STK10: variants seen among roughly 807,000 people sequenced by gnomAD.
The protein encoded by STK10 is serine/threonine kinase 10, also known as serine/threonine-protein kinase 10.
Under a neutral mutation model 113.8 loss-of-function variants are expected in STK10, and 78 were observed. The ratio of observed to expected loss-of-function variants is 0.69; its 90% CI spans 0.57 to 0.83. The LOEUF is 0.83. Ranked by LOEUF, STK10 falls within the 40% of genes least tolerant of loss-of-function variation. The pLI is 0.00. For missense variants in STK10, 1,109 were observed against 1,280.1 expected (o/e 0.87, Z 2.04); for synonymous variants, 465 against 494.7 (o/e 0.94, Z 0.80).
At chr5:172,054,339 T>G (rs1218854998) in intron 17 of STK10, among the ~76,000 whole-genome samples, 3 of 152,162 alleles carry the variant, frequency 2.0e-5, no homozygotes, top group African/African-American at 4.8e-5. Context: ...GCAGGAATGG[T>G]CATCCCCATG....
intron 12 of STK10, among the ~76,000 whole-genome samples, chr5:172,070,257 ATATATCT>A (rs1394892428): frequency 1.3e-4 from 9 of 69,156 alleles, no homozygotes; most frequent in East Asian, 5.0e-4. Flanking sequence ...TCAAAAAAAT[ATATATCT>A]ATATATCTAT....
chr5:172,057,950 A>G (rs1458545147), intron 14 of STK10, among the ~76,000 whole-genome samples: 1 of 152,182 alleles, frequency 6.6e-6, no homozygotes, highest in Admixed American at 6.5e-5. Flanking sequence ...CATGAAGAAG[A>G]CAGAATGGCC....
In STK10 at chr5:172,093,314, T is replaced by C; in HGVS notation, c.1554+98A>G. 7.5e-7 allele frequency: 1 copy of C among 1,334,538 alleles called. No individual in the cohort carries two copies. Among genetic ancestry groups the C allele is most frequent in the Non-Finnish European group, 1.0e-6 (1 of 973,712 alleles). 82.7% of individuals were successfully genotyped at this position (1,334,538 alleles called of 1,614,324 possible). On this transcript the variant is annotated intron_variant, in intron 9 of 18. Transcript: ENST00000176763. The surrounding 1 kb of genome is among the most constrained non-coding windows in gnomAD (Gnocchi z 4.1). ...AAACCCCCTAATGAACCACTTAAAA[T>C]GCAAGGAAGCCCCTAAATGCTTTTG...
chr5:172,110,556 G>A (rs1408104845), intron 4 of STK10, among the ~76,000 whole-genome samples: 1 of 152,158 alleles, frequency 6.6e-6, no homozygotes, highest in Non-Finnish European at 1.5e-5. Context: ...CTCAGGATCT[G>A]GGGGAGGTAT....
chr5:172,125,122 T>C (rs138108798), intron 3 of STK10, among the ~76,000 whole-genome samples: 20 of 152,330 alleles, frequency 1.3e-4, no homozygotes, highest in Admixed American at 6.5e-4. Context: ...TCAGTAAACA[T>C]AGGGATGTCC....
At chr5:172,168,569 G>T (rs1245869285) in intron 1 of STK10, among the ~76,000 whole-genome samples, 1 of 152,156 alleles carries the variant, frequency 6.6e-6, no homozygotes, top group East Asian at 1.9e-4. Context: ...GATGAAAAAG[G>T]CCTGTCAAAC....
intron 7 of STK10, among the ~76,000 whole-genome samples, chr5:172,099,657 G>GAT (rs1768938278): frequency 6.6e-6 from 1 of 152,166 alleles, no homozygotes; most frequent in Non-Finnish European, 1.5e-5. Context: ...AGATCCCAAA[G>GAT]GTGAGAACCA....
intron 2 of STK10, among the ~76,000 whole-genome samples, chr5:172,131,222 G>C (rs1769749817): frequency 6.6e-6 from 1 of 151,988 alleles, no homozygotes; most frequent in African/African-American, 2.4e-5. Context: ...TTTTGGTAGA[G>C]GCAGGGTTTC....
chr5:172,111,594 GC>G, intron 4 of STK10, among the ~76,000 whole-genome samples: 1 of 152,316 alleles, frequency 6.6e-6, no homozygotes, highest in Admixed American at 6.5e-5. Context: ...GCTGATGGCT[GC>G]CCTTGAGCAA....
At position 172,187,997 on chromosome 5, in the gene STK10, C is replaced by G; in HGVS notation, c.46G>C (p.Glu16Gln). ...FRRILRLSTF[E>Q]KRKSREYEHV... is the part of the protein sequence containing the mutation. ...TCATATTCGCGGGACTTTCTCTTCT[C>G]GAAGGTAGACAGGCGCAGGATGCGG... is the stretch of plus-strand genomic sequence containing the variant. Residue 16 changes from glutamate to glutamine, a missense_variant, in exon 1 of 19, where the codon GAG (glutamate) becomes CAG (glutamine). Glu to Gln is a conservative substitution (Grantham distance 29). Coordinates refer to ENST00000176763, the MANE Select transcript of STK10 (RefSeq NM_005990.4). This position sits in a 1 kb window ranked among gnomAD's most constrained non-coding sequence, Gnocchi z 4.6. 6.2e-7 allele frequency: 1 copy of G among 1,613,412 alleles called. No homozygotes were observed. The highest frequency in any genetic ancestry group is 8.5e-7 in the Non-Finnish European group (1 of 1,179,764).
Position 172,065,935 on chromosome 5 carries a change from G to C in STK10, c.1990-1123C>G, listed in dbSNP as rs1481566116. On this transcript the variant is annotated intron_variant, in intron 12 of 18. Transcript: ENST00000176763. ...CAAGTGTTCTTTCCTTCTTAAGCCA[G>C]CTGGGATTGGGTTTCTGTCTTTTAT... Among the ~76,000 whole-genome samples the C allele has an allele frequency of 3.3e-5, 5 of 152,174 alleles. No homozygotes were observed. In the East Asian group the frequency reaches 9.6e-4, roughly 29 times the overall value.
chr5:172,061,304 G>T, intron 13 of STK10, 36 bp from the exon 14 acceptor site: 1 of 1,577,966 alleles, frequency 6.3e-7, no homozygotes. Context: ...TTTATCCAGA[G>T]CCGGCTTGGG....
chr5:172,047,133 A>T (rs995008937), intron 18 of STK10, among the ~76,000 whole-genome samples: 6 of 152,206 alleles, frequency 3.9e-5, no homozygotes, highest in African/African-American at 1.4e-4. Context: ...CAAGAATGTA[A>T]AAGACCATTT....
At chr5:172,052,841 T>G (rs1767657088) in intron 18 of STK10, 88 bp downstream of exon 18, 1 of 1,268,828 alleles carries the variant, frequency 7.9e-7, no homozygotes, top group Non-Finnish European at 1.1e-6. Context: ...TCCACCAAAA[T>G]AAGGAGACCT....
chr5:172,149,452 G>A (rs752554641), intron 2 of STK10, among the ~76,000 whole-genome samples: 9 of 152,118 alleles, frequency 5.9e-5, no homozygotes, highest in Non-Finnish European at 1.3e-4. Flanking sequence ...CACCTCCAGG[G>A]CTGCAAAGCC....
rs1770988319 is a variant in STK10, at chr5:172,187,949, G to A, written c.94C>T (p.Pro32Ser). ...CCCACGATCTCCCACACCTCGTTGG[G>A]GTCCAGGTCGCGGCGGACGTGCTCA... Reference protein sequence around the residue: ...EYEHVRRDLDPNEVWEIVGEL... With the variant: ...EYEHVRRDLDSNEVWEIVGEL... The change falls in exon 1 of 19, where the codon CCC becomes TCC. Residue 32 changes from proline to serine, a missense_variant. By Grantham distance (74) the Pro-to-Ser change is moderately conservative (BLOSUM62 -1). Around this residue, in one of 5 missense-constraint regions of STK10, gnomAD observed 57 missense variants for 53.6 expected, o/e 1.06. Transcript: ENST00000176763. This position sits in a 1 kb window ranked among gnomAD's most constrained non-coding sequence, Gnocchi z 4.6. 6.2e-7 allele frequency: 1 copy of A among 1,613,518 alleles called. No individual in the cohort carries two copies. The highest frequency in any genetic ancestry group is 8.5e-7 in the Non-Finnish European group (1 of 1,179,836).
In STK10 at chr5:172,093,763, C is replaced by T; in HGVS notation, c.1203G>A (p.Glu401=). The change falls in exon 9 of 19, where the codon GAG becomes GAA. Residue 401 remains glutamate (E), a synonymous_variant. Coordinates refer to ENST00000176763, the MANE Select transcript of STK10 (RefSeq NM_005990.4). The surrounding 1 kb of genome is among the most constrained non-coding windows in gnomAD (Gnocchi z 4.1). Reference sequence around the variant, plus strand: ...GGGGCACAGGCACTGCCAGGCCGTTCTCATTTCCAGGGGCCACGACTGGGG... The same window carrying T: ...GGGGCACAGGCACTGCCAGGCCGTTTTCATTTCCAGGGGCCACGACTGGGG... ...TSPPVVAPGN[E]NGLAVPVPLR... is the part of the protein sequence containing the mutation. The T allele has an allele frequency of 6.2e-7, 1 of 1,611,272 alleles. No homozygotes were observed. The highest frequency in any genetic ancestry group is 1.1e-5 in the South Asian group (1 of 91,008).
rs960489042 is a variant in STK10, at chr5:172,188,063, C to G, written c.-21G>C. On this transcript the variant is annotated 5_prime_UTR_variant, in exon 1 of 19. Transcript: ENST00000176763. The surrounding 1 kb of genome is among the most constrained non-coding windows in gnomAD (Gnocchi z 5.6). ...GCCATGGCCGGGGGCGCGGTGGCGCCGGCTCGGGCTCGGGCTCGGGCTCGG... is the reference window on the plus strand; with the variant it reads ...GCCATGGCCGGGGGCGCGGTGGCGCGGGCTCGGGCTCGGGCTCGGGCTCGG... The G allele has an allele frequency of 3.7e-6, 6 of 1,607,810 alleles. No homozygotes were observed. Among genetic ancestry groups the G allele is most frequent in the Non-Finnish European group, 5.1e-6 (6 of 1,177,338 alleles).
chr5:172,114,292 G>GT (rs1295353122), intron 4 of STK10, among the ~76,000 whole-genome samples: 2 of 138,502 alleles, frequency 1.4e-5, no homozygotes, highest in Non-Finnish European at 3.0e-5. Flanking sequence ...CTACTCTCGT[G>GT]TGTGTGTGTG....
Sources: gnomAD v4.1 joint callset for allele counts (sites outside exome capture counted in the v4.1 genomes callset) on GRCh38, gnomAD v4.1.1 for gene constraint, gnomAD v4.1.1 regional missense constraint, Gnocchi (gnomAD v3.1) non-coding constraint, MANE v1.5 for transcripts, NCBI Gene and HGNC (gene_info 2026-07-23, HGNC 2026-07-21) for gene names.